The following ZFYVE9 variants were observed in gnomAD, a reference collection of about 807,000 sequenced individuals.
ZFYVE9 encodes zinc finger FYVE domain-containing protein 9.
A neutral mutation model predicts 126.7 loss-of-function variants in ZFYVE9; 43 were observed. The ratio of observed to expected loss-of-function variants is 0.34; its 90% CI spans 0.27 to 0.44. The LOEUF is 0.44. ZFYVE9 is among the 20% of genes least tolerant of loss of function. ZFYVE9 has a pLI of 1.00. For missense variants in ZFYVE9, 1,476 were observed against 1,697.0 expected (o/e 0.87, Z 2.29); for synonymous variants, 521 against 597.4 (o/e 0.87, Z 1.87).
chr1:52,270,309 G>A (rs1486878071), intron 7 of ZFYVE9, among the ~76,000 whole-genome samples: 2 of 152,254 alleles, frequency 1.3e-5, no homozygotes, highest in East Asian at 1.9e-4. Context: ...TGTCGCCCAG[G>A]CTGGAGTGCA....
intron 7 of ZFYVE9, among the ~76,000 whole-genome samples, chr1:52,269,687 G>A (rs1204873949): frequency 1.3e-5 from 2 of 152,084 alleles, no homozygotes; most frequent in East Asian, 1.9e-4. Context: ...GGCTGCAGAG[G>A]GTGACAGCCA....
intron 13 of ZFYVE9, among the ~76,000 whole-genome samples, chr1:52,320,358 C>T (rs1364592079): frequency 6.6e-6 from 1 of 152,152 alleles, no homozygotes; most frequent in African/African-American, 2.4e-5. Flanking sequence ...GCATTAGCCA[C>T]CGTGCCCGGC....
Position 52,217,604 on chromosome 1 carries a change from A to G in ZFYVE9, c.-37+1130A>G, listed in dbSNP as rs139817594. ...CACGAATACAAGGTATGATACAGCA[A>G]CCGACAAGGATGAGTACATCTTTAA... On this transcript the variant is annotated intron_variant, in intron 2 of 18. Transcript: ENST00000287727. Among the ~76,000 whole-genome samples the G allele has an allele frequency of 5.1e-4, 78 of 152,334 alleles. 1 individual carries two copies. Among genetic ancestry groups the G allele is most frequent in the African/African-American group, 1.8e-3 (74 of 41,574 alleles).
chr1:52,253,837 A>G (rs923875001), intron 4 of ZFYVE9: 7 of 1,429,860 alleles, frequency 4.9e-6, no homozygotes, highest in Non-Finnish European at 6.9e-6. Context: ...AAGAAAAACA[A>G]CAGTTAAGAC....
intron 4 of ZFYVE9, among the ~76,000 whole-genome samples, chr1:52,255,238 AATT>A (rs1457327168): frequency 1.3e-5 from 2 of 150,558 alleles, no homozygotes; most frequent in Non-Finnish European, 3.0e-5. Flanking sequence ...TTTACAATTA[AATT>A]ATTCTTGGGC....
At chr1:52,342,141 A>T (rs896803704) in intron 17 of ZFYVE9, among the ~76,000 whole-genome samples, 1 of 152,212 alleles carries the variant, frequency 6.6e-6, no homozygotes, top group Non-Finnish European at 1.5e-5. Context: ...CAGTGCATCC[A>T]GGTACGGGGC....
intron 1 of ZFYVE9, chr1:52,150,065 A>G (rs1010927603): frequency 1.3e-5 from 2 of 152,192 alleles, no homozygotes; most frequent in Admixed American, 6.6e-5. Flanking sequence ...ACATAGCCCA[A>G]CAGAGTCTAT....
intron 4 of ZFYVE9, among the ~76,000 whole-genome samples, chr1:52,250,299 T>C (rs1473795888): frequency 1.3e-5 from 2 of 152,214 alleles, no homozygotes; most frequent in Non-Finnish European, 2.9e-5. Context: ...CAATCTTTTG[T>C]CTTTTGTAGT....
In ZFYVE9 at chr1:52,340,006, G is replaced by A. The variant is rs1248845280; in HGVS notation, c.3834-120G>A. 3.8e-5 allele frequency: 28 copies of A among 740,118 alleles called. No individual in the cohort carries two copies. In the Admixed American group the frequency reaches 5.3e-4, roughly 14 times the overall value. 45.8% of individuals were successfully genotyped at this position (740,118 alleles called of 1,614,324 possible). On this transcript the variant is annotated intron_variant, in intron 16 of 18. Transcript: ENST00000287727. ...CTTCTTGCTATGATGTGCTGCACAG[G>A]TGTGTTCAGCAGGGTACCCAGTGTA...
At chr1:52,154,892 A>G (rs1292628443) in intron 1 of ZFYVE9, among the ~76,000 whole-genome samples, 4 of 152,084 alleles carry the variant, frequency 2.6e-5, no homozygotes, top group African/African-American at 9.7e-5. Flanking sequence ...TATAAGCAAA[A>G]CTTTGGCTTT....
intron 13 of ZFYVE9, among the ~76,000 whole-genome samples, chr1:52,331,992 T>G (rs1321725008): frequency 1.3e-5 from 2 of 151,636 alleles, no homozygotes; most frequent in Admixed American, 1.3e-4. Context: ...GTATTAACCA[T>G]GATGGTCTCG....
intron 10 of ZFYVE9, 93 bp from the exon 11 acceptor site, chr1:52,293,358 AAC>A: frequency 1.8e-6 from 2 of 1,131,470 alleles, no homozygotes; most frequent in Non-Finnish European, 2.4e-6. Flanking sequence ...CAGCCTGGGC[AAC>A]AGCCAGACTC....
intron 7 of ZFYVE9, among the ~76,000 whole-genome samples, chr1:52,269,495 AATG>A (rs1349298190): frequency 2.0e-5 from 3 of 152,180 alleles, no homozygotes; most frequent in African/African-American, 7.2e-5. Flanking sequence ...TATTTATATT[AATG>A]ATAAGTAATA....
chr1:52,171,462 G>A (rs147499881), intron 1 of ZFYVE9, among the ~76,000 whole-genome samples: 43 of 152,222 alleles, frequency 2.8e-4, no homozygotes, highest in African/African-American at 9.9e-4. Flanking sequence ...ATAAACATAC[G>A]TGTGCATGTG....
At chr1:52,329,624 G>A (rs1041944680) in intron 13 of ZFYVE9, among the ~76,000 whole-genome samples, 1 of 152,048 alleles carries the variant, frequency 6.6e-6, no homozygotes, top group East Asian at 1.9e-4. Context: ...CTTACATATC[G>A]GCCGGGCGCG....
intron 2 of ZFYVE9, among the ~76,000 whole-genome samples, chr1:52,219,355 G>T (rs1645101361): frequency 6.6e-6 from 1 of 152,060 alleles, no homozygotes. Context: ...AGTTTGGAGG[G>T]TATTGATCCT....
At chr1:52,291,856 A>T (rs939361593) in intron 10 of ZFYVE9, among the ~76,000 whole-genome samples, 1 of 140,184 alleles carries the variant, frequency 7.1e-6, no homozygotes, top group Non-Finnish European at 1.5e-5. Context: ...CCAGGGTTCC[A>T]GGGTGGGTAA....
In ZFYVE9 at chr1:52,260,631, A is replaced by T. The variant is rs142356568; in HGVS notation, c.2179-3142A>T. On this transcript the variant is annotated intron_variant, in intron 4 of 18. Coordinates refer to ENST00000287727, the MANE Select transcript of ZFYVE9 (RefSeq NM_004799.4). Reference sequence around the variant, plus strand: ...CAGGAGTTCAAGACCAGCCTGACCAACCTGGTGAAACCCCATCTCTACTAA... The same window carrying T: ...CAGGAGTTCAAGACCAGCCTGACCATCCTGGTGAAACCCCATCTCTACTAA... Among the ~76,000 whole-genome samples, 1,405 of 152,170 alleles carry T rather than the reference A, an allele frequency of 9.2e-3. 65 individuals are homozygous for T. The East Asian group carries it at 0.12, about 13-fold the overall frequency.
Position 52,315,860 on chromosome 1 carries a change from T to C in ZFYVE9, c.3438+11935T>C, listed in dbSNP as rs557862590. Among the ~76,000 whole-genome samples, 9 of 152,216 alleles carry C rather than the reference T, an allele frequency of 5.9e-5. No homozygotes were observed. In the East Asian group the frequency reaches 1.7e-3, roughly 29 times the overall value. ...TCATCTGTATGTTGTGTAAGAAACATACGTATAAGAAAAACACGGCCGGGG... is the reference window on the plus strand; with the variant it reads ...TCATCTGTATGTTGTGTAAGAAACACACGTATAAGAAAAACACGGCCGGGG... On this transcript the variant is annotated intron_variant, in intron 13 of 18. Coordinates refer to ENST00000287727, the MANE Select transcript of ZFYVE9 (RefSeq NM_004799.4).
Sources: gnomAD v4.1 joint callset for allele counts (sites outside exome capture counted in the v4.1 genomes callset) on GRCh38, gnomAD v4.1.1 for gene constraint, MANE v1.5 for transcripts, NCBI Gene and HGNC (gene_info 2026-07-23, HGNC 2026-07-21) for gene names.